The following MUC4 variants were observed in gnomAD, a reference collection of about 807,000 sequenced individuals.
The protein encoded by MUC4 is mucin-4.
A neutral mutation model predicts 257.9 loss-of-function variants in MUC4; 202 were observed. The ratio of observed to expected loss-of-function variants is 0.78; its 90% confidence interval spans 0.70 to 0.88. The LOEUF is 0.88. Ranked by LOEUF, MUC4 falls within the 40% of genes least tolerant of loss-of-function variation. The pLI, the probability that MUC4 is intolerant of heterozygous loss-of-function variation, is 0.00. For synonymous variants in MUC4, 2,351 were observed against 2,757.1 expected (o/e 0.85, Z 4.62); for missense variants, 5,976 against 6,513.7 (o/e 0.92, Z 2.84).
At chr3:195,796,146 A>G (rs1385530044) in intron 1 of MUC4, among the ~76,000 whole-genome samples, 2 of 152,058 alleles carry the variant, frequency 1.3e-5, no homozygotes, top group Non-Finnish European at 2.9e-5. Flanking sequence ...GTGCAATGGC[A>G]TGATCTCAGC....
At chr3:195,778,684 GC>G in intron 2 of MUC4, 105 bp downstream of exon 2, 1 of 1,369,710 alleles carries the variant, frequency 7.3e-7, no homozygotes, top group Non-Finnish European at 9.9e-7. Context: ...ACCTGACACG[GC>G]CCCACCAGGT....
intron 1 of MUC4, among the ~76,000 whole-genome samples, chr3:195,801,816 C>G (rs184617679): frequency 5.9e-5 from 9 of 152,246 alleles, no homozygotes; most frequent in Non-Finnish European, 1.2e-4. Flanking sequence ...TTGCGCCCCC[C>G]CCTCCACGTG....
At chr3:195,751,415 C>T (rs1250843485) in intron 21 of MUC4, 144 bp from the exon 22 acceptor site, 2 of 678,784 alleles carry the variant, frequency 2.9e-6, no homozygotes, top group African/African-American at 1.8e-5. Context: ...CCTGTCTCTG[C>T]ACCCTTGCAC....
chr3:195,759,370 C>T (rs1718316699), intron 16 of MUC4, 109 bp from the exon 17 acceptor site: 3 of 1,392,038 alleles, frequency 2.2e-6, no homozygotes, highest in African/African-American at 1.4e-5. Flanking sequence ...AGGACTGTGA[C>T]CCACCTCTGG....
rs765749348 is a variant in MUC4, at chr3:195,770,305, T to A, written c.13309A>T (p.Met4437Leu). 1 of 1,613,960 alleles carries A rather than the reference T, an allele frequency of 6.2e-7. No homozygotes were observed. The highest frequency in any genetic ancestry group is 8.5e-7 in the Non-Finnish European group (1 of 1,179,982). ...VQQAESWIRK[M>L]TNNGGYKARW... ...GCCTTGTAGCCCCCGTTGTTTGTCATCTTTCTAATCCAAGACTCGGCCTGC... is the reference window on the plus strand; with the variant it reads ...GCCTTGTAGCCCCCGTTGTTTGTCAACTTTCTAATCCAAGACTCGGCCTGC... Residue 4437 changes from methionine to leucine, a missense_variant, in exon 6 of 25, where the codon ATG becomes TTG. Met to Leu is a conservative substitution (Grantham distance 15). Around this residue, in one of 44 missense-constraint regions of MUC4, gnomAD observed 996 missense variants for 1,137.3 expected, o/e 0.88. Coordinates refer to ENST00000463781, the MANE Select transcript of MUC4 (RefSeq NM_018406.7).
chr3:195,753,553 CT>C, intron 19 of MUC4: 1 of 428,948 alleles, frequency 2.3e-6, no homozygotes. Flanking sequence ...CGTCCATCTC[CT>C]TTTCTGCCTT....
chr3:195,793,278 C>T (rs1378171338), intron 1 of MUC4, among the ~76,000 whole-genome samples: 2 of 152,140 alleles, frequency 1.3e-5, no homozygotes, highest in African/African-American at 4.8e-5. Context: ...GGGTGGATCA[C>T]TTGAGGTCAG....
At chr3:195,767,722 C>T (rs1347564039) in intron 7 of MUC4, among the ~76,000 whole-genome samples, 10 of 720 alleles carry the variant, frequency 0.014, 1 homozygote, top group Admixed American at 0.027. Flanking sequence ...CGGCCACCAC[C>T]ACCATCACCA....
intron 1 of MUC4, among the ~76,000 whole-genome samples, chr3:195,804,944 G>A (rs746916048): frequency 2.6e-5 from 4 of 152,238 alleles, no homozygotes; most frequent in Non-Finnish European, 5.9e-5. Flanking sequence ...CGCCTGAAAC[G>A]AGACTTGGCA....
At position 195,767,694 on chromosome 3, in the gene MUC4, C is replaced by CACCA. The variant is rs1560263567; in HGVS notation, c.13530-944_13530-943insTGGT. ...CCATCACCACCATCACTGGCCACCCCCCAAAAAATACCACCATCGGCCACC... is the reference window on the plus strand; with the variant it reads ...CCATCACCACCATCACTGGCCACCCCACCACCAAAAAATACCACCATCGGCCACC... On this transcript the variant is annotated intron_variant, in intron 7 of 24. Coordinates refer to ENST00000463781, the MANE Select transcript of MUC4 (RefSeq NM_018406.7). Among the ~76,000 whole-genome samples the CACCA allele has an allele frequency of 2.8e-3, 5 of 1,770 alleles. 1 individual carries two copies. Among genetic ancestry groups the CACCA allele is most frequent in the Admixed American group, 7.9e-3 (2 of 252 alleles). The allele number at this position is 1,770 out of a possible 152,430, so 1.2% of individuals were successfully genotyped here. A position where few individuals can be genotyped will look rare whatever the true frequency, so the allele number is the denominator to read the frequency against.
At chr3:195,763,332 G>C (rs1403929498) in intron 12 of MUC4, 101 bp downstream of exon 12, 1 of 1,214,818 alleles carries the variant, frequency 8.2e-7, no homozygotes, top group African/African-American at 1.6e-5. Flanking sequence ...CCTCCTGCCC[G>C]GCTTCCCCTC....
intron 5 of MUC4, among the ~76,000 whole-genome samples, 191 bp downstream of exon 5, chr3:195,771,461 G>A (rs60415958): frequency 0.031 from 4,634 of 149,014 alleles, 307 homozygotes; most frequent in African/African-American, 0.11. Flanking sequence ...GGTCAGTCTC[G>A]TGGTTGGGTT....
In MUC4 at chr3:195,771,689, G is replaced by C; in HGVS notation, c.13205C>G (p.Ala4402Gly). ...GGTCCCCCGACCAGTGGAGAAGTCA[G>C]CATCGTCCCAGAACGGAGCCACCAG... ...VALVAPFWDDADFSTGRGTTF... is the reference protein window; with the variant it reads ...VALVAPFWDDGDFSTGRGTTF... The change falls in exon 5 of 25, where the codon GCT becomes GGT. Residue 4402 changes from alanine to glycine, a missense_variant. By Grantham distance (60) the Ala-to-Gly change is moderately conservative (BLOSUM62 0). This residue lies in a region of MUC4 where 996 missense variants were observed against 1,137.3 expected (regional missense o/e 0.88). Coordinates refer to ENST00000463781, the MANE Select transcript of MUC4 (RefSeq NM_018406.7). The C allele has an allele frequency of 6.2e-7, 1 of 1,613,944 alleles. No individual in the cohort carries two copies. Among genetic ancestry groups the C allele is most frequent in the Non-Finnish European group, 8.5e-7 (1 of 1,179,866 alleles).
intron 7 of MUC4, among the ~76,000 whole-genome samples, chr3:195,767,206 G>A (rs904744296): frequency 6.6e-6 from 1 of 152,090 alleles, no homozygotes; most frequent in South Asian, 2.1e-4. Flanking sequence ...CCACAGACAA[G>A]TTACTGACCC....
intron 19 of MUC4, 47 bp from the exon 20 acceptor site, chr3:195,753,277 G>C (rs375497633): frequency 8.2e-6 from 13 of 1,585,924 alleles, no homozygotes; most frequent in Non-Finnish European, 1.1e-5. Context: ...GGGCAGCAGA[G>C]GGACGGCCCA....
rs1371662949 is a variant in MUC4, at chr3:195,746,956, G to C, written c.*220C>G. The stretch of plus-strand genomic sequence containing the variant: ...TCCTTCTGTGGGTGTGTCTGCGTGA[G>C]GACCCATCCATGCATGTTTGATCTT... On this transcript the variant is annotated 3_prime_UTR_variant, in exon 25 of 25. Transcript: ENST00000463781. 3 of 663,364 alleles carry C rather than the reference G, an allele frequency of 4.5e-6. No individual in the cohort carries two copies. Among genetic ancestry groups the C allele is most frequent in the Non-Finnish European group, 7.7e-6 (3 of 392,112 alleles). 41.1% of individuals were successfully genotyped at this position (663,364 alleles called of 1,614,324 possible). A position where few individuals can be genotyped will look rare whatever the true frequency, so the allele number is the denominator to read the frequency against.
In MUC4 at chr3:195,747,240, C is replaced by G. The variant is rs754106095; in HGVS notation, c.16175G>C (p.Arg5392Pro). ...CCTGGCCCCGGAGCAACCCCAGAAG[C>G]GCAGGACCACGAACGTCCCGACCCC... ...LLGVGTFVVL[R>P]FWGCSGARFS... Residue 5392 changes from arginine to proline, a missense_variant, in exon 25 of 25, where the codon CGC becomes CCC. Coordinates refer to ENST00000463781, the MANE Select transcript of MUC4 (RefSeq NM_018406.7). 1.2e-6 allele frequency: 2 copies of G among 1,614,242 alleles called. No homozygotes were observed. Among genetic ancestry groups the G allele is most frequent in the Admixed American group, 1.7e-5 (1 of 60,032 alleles).
At position 195,755,597 on chromosome 3, in the gene MUC4, C is replaced by T. The variant is rs1043408922; in HGVS notation, c.15169-1225G>A. ...AGCAGCTCAGCAAAGGCTGCGGCGCCGAGACCTCACCAAGCTCCCTGCGCT... is the reference window on the plus strand; with the variant it reads ...AGCAGCTCAGCAAAGGCTGCGGCGCTGAGACCTCACCAAGCTCCCTGCGCT... On this transcript the variant is annotated intron_variant, in intron 18 of 24. Transcript: ENST00000463781. This position sits in a 1 kb window ranked among gnomAD's most constrained non-coding sequence, Gnocchi z 5.0. Among the ~76,000 whole-genome samples the T allele has an allele frequency of 2.6e-5, 4 of 152,078 alleles. No homozygotes were observed. Among genetic ancestry groups the T allele is most frequent in the East Asian group, 1.9e-4 (1 of 5,194 alleles).
At chr3:195,771,142 C>T (rs868848888) in intron 5 of MUC4, among the ~76,000 whole-genome samples, 142 of 70,686 alleles carry the variant, frequency 2.0e-3, no homozygotes, top group African/African-American at 0.011. Context: ...GTCAGTCTCG[C>T]GGCCGGGTTG....
Sources: allele counts gnomAD v4.1 joint callset (sites outside exome capture counted in the v4.1 genomes callset), GRCh38; gene constraint gnomAD v4.1.1; regional missense constraint gnomAD v4.1.1; non-coding constraint Gnocchi (gnomAD v3.1); transcripts MANE v1.5; gene names NCBI Gene and HGNC (gene_info 2026-07-23, HGNC 2026-07-21).